Variants in TMEM132D observed in about 807,000 individuals in gnomAD.
TMEM132D encodes transmembrane protein 132D, also known as mature OL transmembrane protein.
Under a neutral mutation model 62.3 loss-of-function variants are expected in TMEM132D, and 21 were observed. That is an observed-to-expected ratio of 0.34 (90% CI 0.24 to 0.49). The LOEUF is 0.49. Among genes scored for constraint, TMEM132D ranks in the 20% least tolerant of loss-of-function variants. The pLI, the probability that TMEM132D is intolerant of heterozygous loss-of-function variation, is 0.99. For synonymous variants in TMEM132D, 621 were observed against 575.6 expected, an observed-to-expected ratio of 1.08 and a Z score of -1.13; for missense variants, 1,346 against 1,402.8, an observed-to-expected ratio of 0.96 and a Z score of 0.65.
chr12:129,898,911 G>T (rs1369466971), intron 1 of TMEM132D, among the ~76,000 whole-genome samples: 1 of 152,210 alleles, frequency 6.6e-6, no homozygotes, highest in Non-Finnish European at 1.5e-5. Context: ...ATACGAAACT[G>T]CCCAGGTCTG....
intron 1 of TMEM132D, among the ~76,000 whole-genome samples, chr12:129,806,921 C>A (rs1163696656): frequency 6.6e-6 from 1 of 151,964 alleles, no homozygotes; most frequent in Non-Finnish European, 1.5e-5. Context: ...GTAGTCCCAG[C>A]TACTTGGGAG....
At chr12:129,244,532 A>G (rs1024157851) in intron 4 of TMEM132D, among the ~76,000 whole-genome samples, 1 of 152,204 alleles carries the variant, frequency 6.6e-6, no homozygotes, top group African/African-American at 2.4e-5. Context: ...GTAAACACCC[A>G]TGCAAAGGCC....
intron 3 of TMEM132D, among the ~76,000 whole-genome samples, chr12:129,341,240 A>G (rs1869470003): frequency 6.6e-6 from 1 of 152,230 alleles, no homozygotes; most frequent in Non-Finnish European, 1.5e-5. Context: ...GGTCATATTT[A>G]TCTTGTTGCA....
chr12:129,430,729 C>T (rs1555255304), intron 3 of TMEM132D, among the ~76,000 whole-genome samples: 1 of 152,218 alleles, frequency 6.6e-6, no homozygotes, highest in Non-Finnish European at 1.5e-5. Flanking sequence ...CAGGCAGATA[C>T]ATAATAAACG....
chr12:129,422,094 TTAAAAAAA>T (rs952515767), intron 3 of TMEM132D, among the ~76,000 whole-genome samples: 105 of 40,482 alleles, frequency 2.6e-3, no homozygotes, highest in African/African-American at 0.01. Context: ...TACAGCAATG[TTAAAAAAA>T]AAAAAAAAGC....
chr12:129,509,868 C>T (rs1289072791), intron 3 of TMEM132D, among the ~76,000 whole-genome samples: 1 of 152,122 alleles, frequency 6.6e-6, no homozygotes, highest in African/African-American at 2.4e-5. Context: ...ATCCATTCAT[C>T]GCTGATGGAC....
chr12:129,747,794 CAG>C (rs1489228604), intron 1 of TMEM132D, among the ~76,000 whole-genome samples: 1 of 150,240 alleles, frequency 6.7e-6, no homozygotes, highest in Non-Finnish European at 1.5e-5. Flanking sequence ...ACACTCGACA[CAG>C]ACACATTTGA....
At chr12:129,776,199 T>C (rs1291734209) in intron 1 of TMEM132D, among the ~76,000 whole-genome samples, 3 of 152,230 alleles carry the variant, frequency 2.0e-5, no homozygotes, top group African/African-American at 7.2e-5. Flanking sequence ...CTGTAAATGC[T>C]GGAACCTCAT....
chr12:129,635,222 G>A lies in TMEM132D; in HGVS notation c.968+64588C>T, dbSNP rs139702349. ...CCTCTGAAAATGTTTTTGACCTGAG[G>A]TCTTTAGTAGTCATGGAAACAGCAA... On this transcript the variant is annotated intron_variant, in intron 2 of 8. Coordinates refer to ENST00000422113, the MANE Select transcript of TMEM132D (RefSeq NM_133448.3). Among the ~76,000 whole-genome samples the A allele has an allele frequency of 6.4e-3, 976 of 152,248 alleles. 6 individuals carry two copies. The highest frequency in any genetic ancestry group is 8.3e-3 in the Non-Finnish European group (565 of 68,018).
At chr12:129,670,153 C>T (rs1880470404) in intron 2 of TMEM132D, among the ~76,000 whole-genome samples, 1 of 152,198 alleles carries the variant, frequency 6.6e-6, no homozygotes, top group South Asian at 2.1e-4. Context: ...CCGACTCCAC[C>T]TTGCTTCTAA....
intron 3 of TMEM132D, among the ~76,000 whole-genome samples, chr12:129,406,109 A>G (rs1871775988): frequency 6.6e-6 from 1 of 152,232 alleles, no homozygotes; most frequent in African/African-American, 2.4e-5. Context: ...ATGTTAAGAC[A>G]TAAGTCAGAT....
intron 3 of TMEM132D, among the ~76,000 whole-genome samples, chr12:129,352,964 T>G (rs1869916095): frequency 6.6e-6 from 1 of 152,182 alleles, no homozygotes; most frequent in South Asian, 2.1e-4. Flanking sequence ...CTTAATAAAC[T>G]TGCTTTTGAT....
At position 129,867,945 on chromosome 12, in the gene TMEM132D, G is replaced by T. The variant is rs1874107213; in HGVS notation, c.79+35316C>A. On this transcript the variant is annotated intron_variant, in intron 1 of 8. Coordinates refer to ENST00000422113, the MANE Select transcript of TMEM132D (RefSeq NM_133448.3). This position sits in a 1 kb window ranked among gnomAD's most constrained non-coding sequence, Gnocchi z 4.5. Reference sequence around the variant, plus strand: ...GACAGCGTTTCTATGGTACACACGAGGCAGTGTTTCTATGGTACACATGAG... The same window carrying T: ...GACAGCGTTTCTATGGTACACACGATGCAGTGTTTCTATGGTACACATGAG... Among the ~76,000 whole-genome samples, 1 of 152,206 alleles carries T rather than the reference G, an allele frequency of 6.6e-6. No homozygotes were observed. Among genetic ancestry groups the T allele is most frequent in the Admixed American group, 6.5e-5 (1 of 15,288 alleles).
rs1359537057 is a variant in TMEM132D at position 129,126,019 on chromosome 12, G to A, written c.1444-41317C>T. Among the ~76,000 whole-genome samples the A allele has an allele frequency of 7.2e-5, 11 of 152,142 alleles. No individual in the cohort carries two copies. The East Asian group carries it at 1.9e-3, about 27-fold the overall frequency. On this transcript the variant is annotated intron_variant, in intron 5 of 8. Transcript: ENST00000422113. ...AGAACATTCCCGGGGGGCCAGCTAT[G>A]CCCAACCTGAGCACCCCTCTTTTTG...
rs143882640 is a variant in TMEM132D at position 129,380,616 on chromosome 12, G to A, written c.1116-42799C>T. On this transcript the variant is annotated intron_variant, in intron 3 of 8. Transcript: ENST00000422113. ...ATTTAGTTCTATACCATCTCATCAC[G>A]TGTGTTGGTTTGTGTCTCCATCACC... Among the ~76,000 whole-genome samples the A allele has an allele frequency of 3.5e-3, 538 of 152,046 alleles. 6 individuals are homozygous for A. The highest frequency in any genetic ancestry group is 0.012 in the African/African-American group (500 of 41,466).
intron 2 of TMEM132D, among the ~76,000 whole-genome samples, chr12:129,580,074 C>T (rs1593073880): frequency 6.6e-6 from 1 of 152,128 alleles, no homozygotes; most frequent in East Asian, 1.9e-4. Flanking sequence ...TCCCAATAGG[C>T]CTTAAGGGGT....
intron 3 of TMEM132D, among the ~76,000 whole-genome samples, chr12:129,477,727 A>C (rs973097012): frequency 1.3e-5 from 2 of 152,166 alleles, no homozygotes; most frequent in Admixed American, 1.3e-4. Context: ...AGGCTGAGGC[A>C]GGAGAATGGC....
chr12:129,582,090 T>C (rs1435881645), intron 2 of TMEM132D, among the ~76,000 whole-genome samples: 1 of 152,230 alleles, frequency 6.6e-6, no homozygotes, highest in Non-Finnish European at 1.5e-5. Flanking sequence ...TCTCTGGTTT[T>C]ATTTCCCGTC....
At chr12:129,516,122 G>A (rs1420049145) in intron 3 of TMEM132D, among the ~76,000 whole-genome samples, 1 of 152,144 alleles carries the variant, frequency 6.6e-6, no homozygotes, top group Non-Finnish European at 1.5e-5. Context: ...TGGACATCAA[G>A]AGGCTACACA....
Sources: allele counts gnomAD v4.1 joint callset (sites outside exome capture counted in the v4.1 genomes callset), GRCh38; gene constraint gnomAD v4.1.1; non-coding constraint Gnocchi (gnomAD v3.1); transcripts MANE v1.5; gene names NCBI Gene and HGNC (gene_info 2026-07-23, HGNC 2026-07-21).